The following SLC2A13 variants were observed in gnomAD, a reference collection of about 807,000 sequenced individuals.
SLC2A13 encodes the protein solute carrier family 2 member 13.
A neutral mutation model predicts 64.4 loss-of-function variants in SLC2A13; 32 were observed. The observed-to-expected ratio is 0.50, with a 90% CI of 0.37 to 0.67. The LOEUF is 0.67. SLC2A13 is among the 30% of genes least tolerant of loss of function. SLC2A13 has a pLI of 0.00. For missense variants in SLC2A13, 743 were observed against 829.2 expected, an observed-to-expected ratio of 0.90 and a Z score of 1.28; for synonymous variants, 338 against 327.1, an observed-to-expected ratio of 1.03 and a Z score of -0.36.
In SLC2A13 at chr12:39,852,106, G is replaced by A. The variant is rs573172969; in HGVS notation, c.1319+12656C>T. On this transcript the variant is annotated intron_variant, in intron 6 of 9. Transcript: ENST00000280871. Reference sequence around the variant, plus strand: ...GCTGGGTAAGGTTAAGATGCATAAAGTGATTTCTAATTATCTAATACTGCT... The same window carrying A: ...GCTGGGTAAGGTTAAGATGCATAAAATGATTTCTAATTATCTAATACTGCT... Among the ~76,000 whole-genome samples, 3 of 152,316 alleles carry A rather than the reference G, an allele frequency of 2.0e-5. No individual in the cohort carries two copies. In the South Asian group the frequency reaches 6.2e-4, roughly 32 times the overall value.
intron 9 of SLC2A13, among the ~76,000 whole-genome samples, chr12:39,763,550 T>C (rs964455229): frequency 7.9e-5 from 12 of 152,018 alleles, no homozygotes; most frequent in Non-Finnish European, 1.6e-4. Flanking sequence ...TATAGTCTAC[T>C]AGAGAGAGCT....
intron 6 of SLC2A13, among the ~76,000 whole-genome samples, chr12:39,847,282 C>T (rs1051491166): frequency 3.2e-5 from 3 of 93,754 alleles, no homozygotes; most frequent in Non-Finnish European, 6.7e-5. Context: ...GTGGCCTATC[C>T]CTACATTCAT....
chr12:39,835,234 T>C (rs1660668345), intron 6 of SLC2A13, among the ~76,000 whole-genome samples: 1 of 152,056 alleles, frequency 6.6e-6, no homozygotes, highest in African/African-American at 2.4e-5. Flanking sequence ...AAGTTTTCTA[T>C]CTCAAGAGCA....
At chr12:39,763,804 C>CT (rs1301934334) in intron 9 of SLC2A13, among the ~76,000 whole-genome samples, 3 of 152,084 alleles carry the variant, frequency 2.0e-5, no homozygotes, top group Non-Finnish European at 2.9e-5. Flanking sequence ...AAAGCAAAGT[C>CT]TTTTCCTGAC....
At chr12:39,982,419 T>C (rs1391529260) in intron 3 of SLC2A13, among the ~76,000 whole-genome samples, 2 of 149,620 alleles carry the variant, frequency 1.3e-5, no homozygotes, top group African/African-American at 4.9e-5. Context: ...ATTGTTTACC[T>C]AGAAAACCCC....
intron 3 of SLC2A13, among the ~76,000 whole-genome samples, chr12:39,982,393 G>A (rs1040241770): frequency 7.0e-6 from 1 of 142,942 alleles, no homozygotes; most frequent in Non-Finnish European, 1.5e-5. Flanking sequence ...AATTGTCCCT[G>A]TTTGCAGACG....
At chr12:39,812,200 T>A (rs1942182915) in intron 7 of SLC2A13, among the ~76,000 whole-genome samples, 1 of 152,038 alleles carries the variant, frequency 6.6e-6, no homozygotes, top group African/African-American at 2.4e-5. Flanking sequence ...TGCCCTCACA[T>A]GGTAGAATGG....
At chr12:39,920,628 C>T (rs923183261) in intron 4 of SLC2A13, among the ~76,000 whole-genome samples, 1 of 151,932 alleles carries the variant, frequency 6.6e-6, no homozygotes, top group African/African-American at 2.4e-5. Context: ...GGGTGAAGTC[C>T]GATGCTGAAT....
intron 1 of SLC2A13, among the ~76,000 whole-genome samples, chr12:40,048,945 T>C (rs1241325711): frequency 1.3e-5 from 2 of 152,176 alleles, no homozygotes; most frequent in Admixed American, 6.5e-5. Flanking sequence ...AGGTGGGGGA[T>C]GAGATTGTCC....
intron 7 of SLC2A13, among the ~76,000 whole-genome samples, chr12:39,817,835 C>G (rs1942381708): frequency 6.6e-6 from 1 of 152,052 alleles, no homozygotes; most frequent in African/African-American, 2.4e-5. Context: ...AAAGACGGTT[C>G]CTTGACCAGC....
chr12:40,098,204 C>G (rs1939027869), intron 1 of SLC2A13, among the ~76,000 whole-genome samples: 1 of 152,176 alleles, frequency 6.6e-6, no homozygotes, highest in Admixed American at 6.5e-5. Flanking sequence ...CTATCATATG[C>G]TACACCATGA....
intron 1 of SLC2A13, among the ~76,000 whole-genome samples, chr12:40,084,318 G>A (rs960509830): frequency 4.6e-5 from 7 of 152,184 alleles, no homozygotes; most frequent in African/African-American, 1.4e-4. Flanking sequence ...TTGAAACTGT[G>A]TCATTTGGCT....
At chr12:39,922,843 A>G (rs558443518) in intron 4 of SLC2A13, among the ~76,000 whole-genome samples, 16 of 152,374 alleles carry the variant, frequency 1.1e-4, no homozygotes, top group African/African-American at 3.8e-4. Flanking sequence ...GTCTTGCAAA[A>G]CACAAAGGGT....
At chr12:39,790,266 T>C (rs1480187652) in intron 7 of SLC2A13, among the ~76,000 whole-genome samples, 1 of 151,468 alleles carries the variant, frequency 6.6e-6, no homozygotes, top group Non-Finnish European at 1.5e-5. Context: ...CATGTGCACA[T>C]TGTGCAGGTT....
chr12:39,967,987 T>G (rs1185720750), intron 3 of SLC2A13, among the ~76,000 whole-genome samples: 1 of 152,220 alleles, frequency 6.6e-6, no homozygotes, highest in East Asian at 1.9e-4. Flanking sequence ...CACCTCACTT[T>G]GCAAATTACC....
At chr12:39,913,041 G>C (rs1945457084) in intron 4 of SLC2A13, among the ~76,000 whole-genome samples, 1 of 152,084 alleles carries the variant, frequency 6.6e-6, no homozygotes, top group South Asian at 2.1e-4. Flanking sequence ...CCAACAAGAA[G>C]AGAAGTGCAT....
chr12:40,103,877 T>C (rs1480034699), intron 1 of SLC2A13, among the ~76,000 whole-genome samples: 2 of 152,234 alleles, frequency 1.3e-5, no homozygotes, highest in Non-Finnish European at 2.9e-5. Context: ...TCACTTTGGA[T>C]ATTTTTGTGC....
chr12:39,976,753 C>A (rs998465406), intron 3 of SLC2A13, among the ~76,000 whole-genome samples: 1 of 152,064 alleles, frequency 6.6e-6, no homozygotes, highest in African/African-American at 2.4e-5. Context: ...GAGAACCAAA[C>A]TGACTTTATT....
intron 3 of SLC2A13, among the ~76,000 whole-genome samples, chr12:39,958,545 C>T (rs1052236540): frequency 1.3e-5 from 2 of 152,128 alleles, no homozygotes; most frequent in Non-Finnish European, 2.9e-5. Context: ...CAATCCATCC[C>T]GCCTCCACAT....
Sources: allele counts gnomAD v4.1 joint callset (sites outside exome capture counted in the v4.1 genomes callset), GRCh38; gene constraint gnomAD v4.1.1; transcripts MANE v1.5; gene names NCBI Gene and HGNC (gene_info 2026-07-23, HGNC 2026-07-21).